The following ARHGAP39 variants were observed in gnomAD, a reference collection of about 807,000 sequenced individuals.
ARHGAP39 encodes the protein Rho GTPase activating protein 39.
ARHGAP39 carries 44 observed loss-of-function variants against 106.9 expected under a neutral mutation model. The observed-to-expected ratio is 0.41, with a 90% CI of 0.32 to 0.53. The LOEUF (loss-of-function observed/expected upper bound fraction) is 0.53, where lower values mean the gene tolerates loss of function less well. ARHGAP39 is among the 20% of genes least tolerant of loss of function. The probability of loss-of-function intolerance (pLI) is 0.21; values close to 1 mark genes in which losing one functional copy is unlikely to be tolerated. For missense variants in ARHGAP39, 1,496 were observed against 1,577.3 expected (o/e 0.95, Z 0.87); for synonymous variants, 768 against 693.2 (o/e 1.11, Z -1.69).
At chr8:144,582,244 C>CA (rs762801561) in intron 2 of ARHGAP39, among the ~76,000 whole-genome samples, 44 of 152,338 alleles carry the variant, frequency 2.9e-4, no homozygotes, top group Non-Finnish European at 5.7e-4. Flanking sequence ...AAAGAGCCCC[C>CA]CTGGCGGCCG....
chr8:144,650,246 G>A (rs1221419489), intron 1 of ARHGAP39, among the ~76,000 whole-genome samples: 1 of 152,092 alleles, frequency 6.6e-6, no homozygotes, highest in Non-Finnish European at 1.5e-5. Flanking sequence ...CTCCGAGATG[G>A]AATCAGTAAT....
intron 3 of ARHGAP39, among the ~76,000 whole-genome samples, chr8:144,560,282 A>G (rs577899029): frequency 4.6e-5 from 7 of 152,314 alleles, no homozygotes; most frequent in South Asian, 2.1e-4. Context: ...TAAAAATACA[A>G]TAAGTAGCCG....
In ARHGAP39 at chr8:144,548,101, G is replaced by T. The variant is rs746522287; in HGVS notation, c.985C>A (p.Pro329Thr). Residue 329 changes from proline (P) to threonine (T), a missense_variant, in exon 5 of 12, where the codon CCC (proline) becomes ACC (threonine). Transcript: ENST00000377307. This position sits in a 1 kb window ranked among gnomAD's most constrained non-coding sequence, Gnocchi z 7.4. ...EYQAPIYDEP[P>T]MDVQFEAGGG... ...CCAGCCTCGAATTGCACGTCCATGG[G>T]GGGCTCATCGTAGATGGGGGCCTGG... The T allele has an allele frequency of 4.4e-6, 7 of 1,589,358 alleles. No individual in the cohort carries two copies. In the South Asian group the frequency reaches 8.0e-5, roughly 18 times the overall value.
intron 7 of ARHGAP39, 141 bp downstream of exon 7, chr8:144,537,580 G>T (rs1490645988): frequency 1.4e-6 from 1 of 732,452 alleles, no homozygotes; most frequent in Non-Finnish European, 2.2e-6. Context: ...CCTCCAGCTC[G>T]CTCAGGAGGC....
At chr8:144,579,222 A>AAAAG (rs1818879241) in intron 3 of ARHGAP39, among the ~76,000 whole-genome samples, 2 of 150,814 alleles carry the variant, frequency 1.3e-5, no homozygotes, top group South Asian at 2.1e-4. Context: ...AAAAAAAAAA[A>AAAAG]AAAGAAAGTG....
At chr8:144,561,452 G>A (rs917543039) in intron 3 of ARHGAP39, among the ~76,000 whole-genome samples, 7 of 130,318 alleles carry the variant, frequency 5.4e-5, no homozygotes, top group Non-Finnish European at 1.2e-4. Context: ...TCACACTCCA[G>A]TGGTTTCCAT....
rs1472282786 is a variant in ARHGAP39, at chr8:144,671,899, G to A, written c.-82+13787C>T. 6.6e-6 allele frequency among the ~76,000 whole-genome samples: 1 copy of A among 152,256 alleles called. No individual in the cohort carries two copies. The highest frequency in any genetic ancestry group is 6.5e-5 in the Admixed American group (1 of 15,292). ...AGACAGGGGCGAGATGAGTGTGGGT[G>A]GGCCTGGCAAACACAAGACCAGGTG... is the stretch of plus-strand genomic sequence containing the variant. On this transcript the variant is annotated intron_variant, in intron 1 of 11. Coordinates refer to ENST00000377307, the MANE Select transcript of ARHGAP39 (RefSeq NM_025251.3). This position sits in a 1 kb window ranked among gnomAD's most constrained non-coding sequence, Gnocchi z 4.5.
chr8:144,577,088 T>C (rs1818805696), intron 3 of ARHGAP39, among the ~76,000 whole-genome samples: 2 of 152,228 alleles, frequency 1.3e-5, no homozygotes, highest in African/African-American at 4.8e-5. Context: ...TCTGTACCTT[T>C]CAGTATCATC....
At chr8:144,681,280 C>G (rs1016326031) in intron 1 of ARHGAP39, among the ~76,000 whole-genome samples, 4 of 152,128 alleles carry the variant, frequency 2.6e-5, no homozygotes, top group African/African-American at 7.2e-5. Context: ...AGAAAGGTAA[C>G]GAGAAGGGAC....
At chr8:144,531,013 C>T in intron 10 of ARHGAP39, 142 bp from the exon 11 acceptor site, 1 of 1,137,984 alleles carries the variant, frequency 8.8e-7, no homozygotes, top group Non-Finnish European at 1.2e-6. Flanking sequence ...GCCCATCTGG[C>T]CAGGCTGGGC....
chr8:144,569,992 G>A (rs540145980), intron 3 of ARHGAP39, among the ~76,000 whole-genome samples: 3 of 152,242 alleles, frequency 2.0e-5, no homozygotes, highest in South Asian at 4.1e-4. Context: ...AAGCTGGGGC[G>A]GGCAGATCAC....
At chr8:144,624,713 C>A (rs1820898265) in intron 1 of ARHGAP39, among the ~76,000 whole-genome samples, 1 of 41,236 alleles carries the variant, frequency 2.4e-5, no homozygotes, top group East Asian at 4.1e-4. Context: ...CCTGTCCCGG[C>A]GGCCCGGTTC....
chr8:144,697,183 C>G, the ARHGAP39 span, among the ~76,000 whole-genome samples: 39 of 151,932 alleles, frequency 2.6e-4, no homozygotes, highest in Non-Finnish European at 4.6e-4. Context: ...GAAAATTAGC[C>G]AGGCATGATG....
At chr8:144,606,134 G>A (rs923982299) in intron 1 of ARHGAP39, among the ~76,000 whole-genome samples, 3 of 152,224 alleles carry the variant, frequency 2.0e-5, no homozygotes, top group Admixed American at 2.0e-4. Context: ...GGCGACACTC[G>A]CCGGCAGTCA....
chr8:144,594,245 A>C (rs1819512536), intron 2 of ARHGAP39, among the ~76,000 whole-genome samples: 1 of 152,136 alleles, frequency 6.6e-6, no homozygotes, highest in African/African-American at 2.4e-5. Flanking sequence ...AAAAATCAAA[A>C]CCACAAGAGA....
chr8:144,662,652 T>G (rs1027607784), intron 1 of ARHGAP39, among the ~76,000 whole-genome samples: 6 of 129,542 alleles, frequency 4.6e-5, no homozygotes, highest in South Asian at 2.7e-4. Context: ...CCACCTTGGA[T>G]CACTCCTCCT....
the ARHGAP39 span, among the ~76,000 whole-genome samples, chr8:144,698,155 G>A: frequency 6.6e-6 from 1 of 152,134 alleles, no homozygotes; most frequent in East Asian, 1.9e-4. Context: ...GGTAATAAGG[G>A]AGTTCTAGTT....
chr8:144,686,253 T>A (rs2079604151), upstream of ARHGAP39, among the ~76,000 whole-genome samples: 1 of 152,182 alleles, frequency 6.6e-6, no homozygotes, highest in South Asian at 2.1e-4. Flanking sequence ...TGGGCTGCCC[T>A]GTTCCTCAGT....
the ARHGAP39 span, among the ~76,000 whole-genome samples, chr8:144,696,728 A>G: frequency 6.6e-6 from 1 of 152,162 alleles, no homozygotes; most frequent in Non-Finnish European, 1.5e-5. Context: ...TATTCAATAC[A>G]TTCACAATGT....
Sources: gnomAD v4.1 joint callset for allele counts (sites outside exome capture counted in the v4.1 genomes callset) on GRCh38, gnomAD v4.1.1 for gene constraint, Gnocchi (gnomAD v3.1) non-coding constraint, MANE v1.5 for transcripts, NCBI Gene and HGNC (gene_info 2026-07-23, HGNC 2026-07-21) for gene names.